Variants in BRD1 observed in about 807,000 individuals in gnomAD.
The protein encoded by BRD1 is bromodomain containing 1, also known as bromodomain-containing protein 1.
In BRD1, 24 loss-of-function variants were observed where a neutral mutation model predicts 107.7. The observed-to-expected ratio is 0.22, with a 90% CI of 0.16 to 0.31. The LOEUF (loss-of-function observed/expected upper bound fraction) is 0.31. Among genes scored for constraint, BRD1 ranks in the 10% least tolerant of loss-of-function variants. The pLI, the probability that BRD1 is intolerant of heterozygous loss-of-function variation, is 1.00. For synonymous variants in BRD1, 744 were observed against 686.1 expected (o/e 1.08, Z -1.32); for missense variants, 1,279 against 1,638.6 (o/e 0.78, Z 3.79).
At chr22:49,787,299 A>AGCCCCCCCCC in intron 8 of BRD1, 91 bp downstream of exon 8, 1 of 544,640 alleles carries the variant, frequency 1.8e-6, no homozygotes, top group East Asian at 6.1e-5. Flanking sequence ...GAAGCTGGAC[A>AGCCCCCCCCC]CCCCCCCCCC....
chr22:49,796,576 T>C (rs764639928), intron 6 of BRD1, among the ~76,000 whole-genome samples: 16 of 152,154 alleles, frequency 1.1e-4, no homozygotes, highest in Non-Finnish European at 1.9e-4. Flanking sequence ...CAGGCCGGTC[T>C]CAATCTCCCG....
At chr22:49,818,384 C>G (rs954449593) in intron 2 of BRD1, 13 of 1,193,016 alleles carry the variant, frequency 1.1e-5, no homozygotes, top group South Asian at 7.5e-5. Flanking sequence ...TCTGATGAAC[C>G]TAGGAGTTTT....
chr22:49,822,993 G>A lies in BRD1; in HGVS notation c.1325C>T (p.Ala442Val), dbSNP rs201116833. The change falls in exon 2 of 13, where the codon GCG becomes GTG. Residue 442 changes from alanine to valine, a missense_variant. Physicochemically the swap from Ala to Val is moderately conservative, Grantham distance 64. This residue lies in a region of BRD1 where 87 missense variants were observed against 77.1 expected (regional missense o/e 1.13). Coordinates refer to ENST00000404760, the MANE Select transcript of BRD1 (RefSeq NM_001304808.3). Reference sequence around the variant, plus strand: ...AGGAGCGCACACGGTCGGCAGGACCGCGCAGGGCTCAGCCAGAGCTTTCTT... The same window carrying A: ...AGGAGCGCACACGGTCGGCAGGACCACGCAGGGCTCAGCCAGAGCTTTCTT... ...KAKKALAEPC[A>V]VLPTVCAPYI... The A allele has an allele frequency of 3.7e-5, 60 of 1,614,244 alleles. No homozygotes were observed. The highest frequency in any genetic ancestry group is 1.3e-4 in the Admixed American group (8 of 60,028).
chr22:49,792,305 A>T lies in BRD1; in HGVS notation c.2359+1729T>A, dbSNP rs192000004. On this transcript the variant is annotated intron_variant, in intron 7 of 12. Coordinates refer to ENST00000404760, the MANE Select transcript of BRD1 (RefSeq NM_001304808.3). This position sits in a 1 kb window ranked among gnomAD's most constrained non-coding sequence, Gnocchi z 4.2. ...CCTGCTGGCAACCTCCTCACAGCTCAGTCCTCAGGGCACAGAAGACAAGGA... is the reference window on the plus strand; with the variant it reads ...CCTGCTGGCAACCTCCTCACAGCTCTGTCCTCAGGGCACAGAAGACAAGGA... 3.5e-4 allele frequency among the ~76,000 whole-genome samples: 53 copies of T among 152,346 alleles called. No homozygotes were observed. Among genetic ancestry groups the T allele is most frequent in the Non-Finnish European group, 5.9e-5 (4 of 68,026 alleles).
intron 11 of BRD1, 131 bp from the exon 12 acceptor site, chr22:49,775,876 T>A: frequency 1.3e-5 from 8 of 633,654 alleles, no homozygotes; most frequent in African/African-American, 3.6e-5. Flanking sequence ...CACGCCCCCC[T>A]CGCCGAACCA....
intron 1 of BRD1, chr22:49,826,086 G>A: frequency 1.2e-6 from 1 of 839,588 alleles, no homozygotes; most frequent in Non-Finnish European, 1.4e-6. Flanking sequence ...AGCGACCCTA[G>A]TGCACCCGGG....
intron 6 of BRD1, 109 bp downstream of exon 6, chr22:49,797,696 T>C: frequency 5.2e-6 from 6 of 1,147,028 alleles, no homozygotes; most frequent in Non-Finnish European, 7.2e-6. Flanking sequence ...TGCGGTTGCA[T>C]GCTAGTGGCT....
At position 49,775,836 on chromosome 22, in the gene BRD1, C is replaced by CCCCCCCG; in HGVS notation, c.3232-92_3232-91insCGGGGGG. The CCCCCCCG allele has an allele frequency of 2.4e-6, 3 of 1,270,248 alleles. No homozygotes were observed. In the South Asian group the frequency reaches 5.4e-5, roughly 23 times the overall value. 78.7% of individuals were successfully genotyped at this position (1,270,248 alleles called of 1,614,324 possible). On this transcript the variant is annotated intron_variant, in intron 11 of 12. Transcript: ENST00000404760. ...TGGCACCCCCCCCCGCCTCCCCACC[C>CCCCCCCG]CAGCTGTGTGAGCCTCCTCAGACCA...
At chr22:49,776,023 C>G in intron 11 of BRD1, 27 bp downstream of exon 11, 1 of 1,591,492 alleles carries the variant, frequency 6.3e-7, no homozygotes, top group South Asian at 1.1e-5. Flanking sequence ...CCTCTGGACC[C>G]GCAGGCGCCA....
chr22:49,801,595 G>A (rs1411944317), intron 3 of BRD1, among the ~76,000 whole-genome samples: 3 of 152,256 alleles, frequency 2.0e-5, no homozygotes, highest in Non-Finnish European at 2.9e-5. Flanking sequence ...CGACTGCTCT[G>A]CTGCGGCTCA....
At chr22:49,779,223 G>C (rs2059157451) in intron 8 of BRD1, among the ~76,000 whole-genome samples, 1 of 152,154 alleles carries the variant, frequency 6.6e-6, no homozygotes, top group Admixed American at 6.5e-5. Flanking sequence ...TGTTTTGAAG[G>C]GAATGGCTGG....
Position 49,774,341 on chromosome 22 carries a change from C to G in BRD1, c.3462G>C (p.Gly1154=). ...ETIDKLKMME[G]RNSSIRKAVR... is the part of the protein sequence containing the mutation. ...CGGCCTTCCGGATGCTGGAATTCCTCCCTTCCATCATCTTTAACTTGTCTA... is the reference window on the plus strand; with the variant it reads ...CGGCCTTCCGGATGCTGGAATTCCTGCCTTCCATCATCTTTAACTTGTCTA... The change falls in exon 13 of 13, where the codon GGG becomes GGC. Residue 1154 remains glycine, a synonymous_variant. Transcript: ENST00000404760. 6.2e-7 allele frequency: 1 copy of G among 1,614,222 alleles called. No homozygotes were observed. The highest frequency in any genetic ancestry group is 8.5e-7 in the Non-Finnish European group (1 of 1,180,030).
intron 4 of BRD1, 104 bp downstream of exon 4, chr22:49,798,884 G>A: frequency 6.7e-7 from 1 of 1,484,186 alleles, no homozygotes; most frequent in Non-Finnish European, 8.9e-7. Context: ...ACTGCTGTGG[G>A]CCAGGACCCA....
intron 8 of BRD1, among the ~76,000 whole-genome samples, chr22:49,781,456 C>T (rs1235081489): frequency 6.6e-6 from 1 of 152,242 alleles, no homozygotes; most frequent in Non-Finnish European, 1.5e-5. Flanking sequence ...CTCCTCTGGT[C>T]TCAGGCTCCC....
intron 2 of BRD1, 36 bp from the exon 3 acceptor site, chr22:49,804,396 T>C (rs369981938): frequency 1.9e-5 from 30 of 1,554,942 alleles, no homozygotes; most frequent in Non-Finnish European, 2.5e-5. Context: ...TTTGAAGCAG[T>C]ACATTAAGAT....
chr22:49,813,276 C>T (rs184793753), intron 2 of BRD1, among the ~76,000 whole-genome samples: 93 of 152,150 alleles, frequency 6.1e-4, no homozygotes, highest in Middle Eastern at 3.4e-3. Context: ...GGCTGGAGTG[C>T]AGTGGCATGA....
Position 49,797,893 on chromosome 22 carries a change from C to T in BRD1, c.2010G>A (p.Val670=), listed in dbSNP as rs2147140591. Residue 670 remains valine (V), a synonymous_variant, in exon 6 of 13, where the codon GTG becomes GTA. Transcript: ENST00000404760. ...GVVLRQARRE[V]DSIGLEEASG... ...AGGCCTCTTCCAAGCCGATGCTGTC[C>T]ACCTCGCGCCGGGCCTGCCTCAGAA... The T allele has an allele frequency of 6.2e-7, 1 of 1,614,024 alleles. No homozygotes were observed.
chr22:49,788,833 C>T (rs887922213), intron 7 of BRD1, among the ~76,000 whole-genome samples: 4 of 152,198 alleles, frequency 2.6e-5, no homozygotes, highest in East Asian at 1.9e-4. Context: ...ACATAAAACA[C>T]TTTAAATAAT....
chr22:49,777,881 G>A (rs769699850), intron 8 of BRD1, 68 bp from the exon 9 acceptor site: 36 of 1,511,752 alleles, frequency 2.4e-5, no homozygotes, highest in South Asian at 1.8e-4. Context: ...ACTCAACGAC[G>A]TTACACTTGG....
Sources: allele counts gnomAD v4.1 joint callset (sites outside exome capture counted in the v4.1 genomes callset), GRCh38; gene constraint gnomAD v4.1.1; regional missense constraint gnomAD v4.1.1; non-coding constraint Gnocchi (gnomAD v3.1); transcripts MANE v1.5; gene names NCBI Gene and HGNC (gene_info 2026-07-23, HGNC 2026-07-21).